Variants in NFX1 observed in about 807,000 individuals in gnomAD.
The protein encoded by NFX1 is nuclear transcription factor, X-box binding 1.
Under a neutral mutation model 137.2 loss-of-function variants are expected in NFX1, and 69 were observed. That is an observed-to-expected ratio of 0.50 (90% CI 0.41 to 0.61). NFX1 has a LOEUF of 0.61. Ranked by LOEUF, NFX1 falls within the 20% of genes least tolerant of loss-of-function variation. The pLI, the probability that NFX1 is intolerant of heterozygous loss-of-function variation, is 0.00. For synonymous variants in NFX1, 495 were observed against 474.1 expected (o/e 1.04, Z -0.57); for missense variants, 1,167 against 1,391.0 (o/e 0.84, Z 2.56).
At chr9:33,358,466 CA>C (rs1025330385) in intron 19 of NFX1, among the ~76,000 whole-genome samples, 16 of 151,690 alleles carry the variant, frequency 1.1e-4, no homozygotes, top group African/African-American at 3.9e-4. Context: ...TTTAATGTGA[CA>C]AGTGTTTTGT....
chr9:33,300,021 T>C (rs1306395143), intron 2 of NFX1, among the ~76,000 whole-genome samples: 3 of 151,834 alleles, frequency 2.0e-5, no homozygotes, highest in African/African-American at 7.3e-5. Context: ...TCTAACTACA[T>C]GAAGCCAGTT....
intron 13 of NFX1, 29 bp from the exon 14 acceptor site, chr9:33,344,040 T>A: frequency 6.2e-7 from 1 of 1,612,990 alleles, no homozygotes; most frequent in Non-Finnish European, 8.5e-7. Context: ...TCAGAAAGGA[T>A]TCTTTTGTTT....
At chr9:33,353,652 A>G (rs1823718334) in intron 17 of NFX1, among the ~76,000 whole-genome samples, 2 of 150,686 alleles carry the variant, frequency 1.3e-5, no homozygotes, top group African/African-American at 2.4e-5. Context: ...CGGGCTTCCA[A>G]GGCCACACCA....
chr9:33,325,789 C>T lies in NFX1; in HGVS notation c.1907-2792C>T, dbSNP rs143251638. Among the ~76,000 whole-genome samples, 1,232 of 152,212 alleles carry T rather than the reference C, an allele frequency of 8.1e-3. 12 individuals are homozygous for T. The highest frequency in any genetic ancestry group is 0.031 in the Middle Eastern group (9 of 294). ...AGGCAGACTTGCCTTACAGTAAGTACTAAAAGAAATTCTTCAGGCTATAAG... is the reference window on the plus strand; with the variant it reads ...AGGCAGACTTGCCTTACAGTAAGTATTAAAAGAAATTCTTCAGGCTATAAG... On this transcript the variant is annotated intron_variant, in intron 9 of 23. Coordinates refer to ENST00000379540, the MANE Select transcript of NFX1 (RefSeq NM_002504.6).
intron 12 of NFX1, among the ~76,000 whole-genome samples, chr9:33,341,876 G>A (rs966018538): frequency 6.6e-6 from 1 of 152,146 alleles, no homozygotes; most frequent in African/African-American, 2.4e-5. Flanking sequence ...CAGCACTTTG[G>A]GAGGCAAAGG....
chr9:33,369,472 TG>T (rs1824265125), intron 23 of NFX1, among the ~76,000 whole-genome samples: 1 of 152,236 alleles, frequency 6.6e-6, no homozygotes, highest in East Asian at 1.9e-4. Context: ...TAAATGCCCA[TG>T]TGCCCATTAC....
chr9:33,318,564 A>C (rs958895503), intron 7 of NFX1, among the ~76,000 whole-genome samples, 167 bp from the exon 8 acceptor site: 1 of 152,164 alleles, frequency 6.6e-6, no homozygotes, highest in Non-Finnish European at 1.5e-5. Flanking sequence ...TGTATGAACT[A>C]TACTCATTTC....
chr9:33,337,914 T>TGGC (rs1286259528), intron 11 of NFX1, among the ~76,000 whole-genome samples: 1 of 151,968 alleles, frequency 6.6e-6, no homozygotes, highest in Non-Finnish European at 1.5e-5. Flanking sequence ...CCGGGCGTGG[T>TGGC]GGCGCACACC....
intron 14 of NFX1, among the ~76,000 whole-genome samples, chr9:33,344,541 G>A (rs1029147688): frequency 6.6e-6 from 1 of 152,128 alleles, no homozygotes; most frequent in Admixed American, 6.6e-5. Context: ...TGTTATAGAA[G>A]CAATATATAT....
rs1336775997 is a variant in NFX1, at chr9:33,295,122, A to G, written c.728A>G (p.Gln243Arg). Residue 243 changes from glutamine (Q) to arginine (R), a missense_variant, in exon 2 of 24, where the codon CAG becomes CGG. Physicochemically the swap from Gln to Arg is conservative, Grantham distance 43. Around this residue, in one of 3 missense-constraint regions of NFX1, gnomAD observed 367 missense variants for 386.7 expected, o/e 0.95. Coordinates refer to ENST00000379540, the MANE Select transcript of NFX1 (RefSeq NM_002504.6). ...ARRNEQRRYP[Q>R]KRPPWEVEGA... ...CGAAATGAGCAGAGAAGATACCCAC[A>G]GAAAAGGCCTCCCTGGGAAGTGGAG... 2 of 1,614,050 alleles carry G rather than the reference A, an allele frequency of 1.2e-6. No individual in the cohort carries two copies. The highest frequency in any genetic ancestry group is 1.7e-6 in the Non-Finnish European group (2 of 1,180,034).
At chr9:33,308,070 G>A (rs1179252768) in intron 5 of NFX1, among the ~76,000 whole-genome samples, 1 of 152,076 alleles carries the variant, frequency 6.6e-6, no homozygotes, top group Non-Finnish European at 1.5e-5. Context: ...CTCCCAACAT[G>A]CCAGGATTAC....
intron 1 of NFX1, among the ~76,000 whole-genome samples, chr9:33,293,417 A>G (rs1821231326): frequency 6.6e-6 from 1 of 152,228 alleles, no homozygotes; most frequent in Admixed American, 6.5e-5. Context: ...ATGATAGAGT[A>G]CCATTTTAAC....
chr9:33,317,041 A>G (rs989133044), intron 7 of NFX1, among the ~76,000 whole-genome samples: 2 of 152,194 alleles, frequency 1.3e-5, no homozygotes, highest in Non-Finnish European at 1.5e-5. Context: ...GATTCTACAA[A>G]TATTTATTGT....
rs145779406 is a variant in NFX1, at chr9:33,357,414, C to G, written c.2873+2522C>G. On this transcript the variant is annotated intron_variant, in intron 19 of 23. Transcript: ENST00000379540. Reference sequence around the variant, plus strand: ...TATCACACTGTCTTAATTACTGTACCTTTATAACAAGTCTTAATATCTGGT... The same window carrying G: ...TATCACACTGTCTTAATTACTGTACGTTTATAACAAGTCTTAATATCTGGT... Among the ~76,000 whole-genome samples, 207 of 152,174 alleles carry G rather than the reference C, an allele frequency of 1.4e-3. 1 individual carries two copies. In the East Asian group the frequency reaches 0.019, roughly 14 times the overall value.
chr9:33,319,880 G>A (rs1391814014), intron 9 of NFX1, among the ~76,000 whole-genome samples: 1 of 152,086 alleles, frequency 6.6e-6, no homozygotes, highest in East Asian at 1.9e-4. Context: ...AGCCTCTGTA[G>A]CTAAGTTTCC....
chr9:33,352,109 G>T (rs942745021), intron 16 of NFX1, among the ~76,000 whole-genome samples: 3 of 152,180 alleles, frequency 2.0e-5, no homozygotes, highest in African/African-American at 7.2e-5. Context: ...GACATAGTAT[G>T]AGGTGCTAGG....
intron 5 of NFX1, among the ~76,000 whole-genome samples, chr9:33,308,658 AATG>A (rs1821848610): frequency 6.6e-6 from 1 of 152,246 alleles, no homozygotes; most frequent in Admixed American, 6.5e-5. Flanking sequence ...GTAAAATAAT[AATG>A]ATAGTAATAA....
At chr9:33,330,834 A>G (rs868187054) in intron 10 of NFX1, among the ~76,000 whole-genome samples, 52 of 152,198 alleles carry the variant, frequency 3.4e-4, no homozygotes, top group African/African-American at 1.2e-3. Flanking sequence ...CTCACTGTCA[A>G]TACAAACTCT....
Position 33,307,221 on chromosome 9 carries a change from G to A in NFX1, c.1298G>A (p.Arg433Lys). Residue 433 changes from arginine (R) to lysine (K), a missense_variant, in exon 5 of 24, where the codon AGA (arginine) becomes AAA (lysine). This residue lies in a region of NFX1 where 488 missense variants were observed against 691.5 expected (regional missense o/e 0.71). Transcript: ENST00000379540. ...CGKVKNPEWS[R>K]NEIPHSCGEV... Reference sequence around the variant, plus strand: ...AAGGTAAAGAATCCTGAGTGGAGCAGAAATGAAATTCCACATAGCTGTGGT... The same window carrying A: ...AAGGTAAAGAATCCTGAGTGGAGCAAAAATGAAATTCCACATAGCTGTGGT... The A allele has an allele frequency of 6.2e-7, 1 of 1,614,164 alleles. No individual in the cohort carries two copies. Among genetic ancestry groups the A allele is most frequent in the Non-Finnish European group, 8.5e-7 (1 of 1,179,992 alleles).
Sources: gnomAD v4.1 joint callset for allele counts (sites outside exome capture counted in the v4.1 genomes callset) on GRCh38, gnomAD v4.1.1 for gene constraint, gnomAD v4.1.1 regional missense constraint, MANE v1.5 for transcripts, NCBI Gene and HGNC (gene_info 2026-07-23, HGNC 2026-07-21) for gene names.